The following HDAC9 variants were observed in gnomAD, a reference collection of about 807,000 sequenced individuals.
The protein encoded by HDAC9 is histone deacetylase 9, also known as MEF-2 interacting transcription repressor (MITR) protein.
A neutral mutation model predicts 139.4 loss-of-function variants in HDAC9; 41 were observed. The observed-to-expected ratio is 0.29, with a 90% confidence interval of 0.23 to 0.38. The LOEUF (loss-of-function observed/expected upper bound fraction) is 0.38. Ranked by LOEUF, HDAC9 falls within the 10% of genes least tolerant of loss-of-function variation. The pLI, the probability that HDAC9 is intolerant of heterozygous loss-of-function variation, is 1.00. For missense variants in HDAC9, 1,147 were observed against 1,297.0 expected, an observed-to-expected ratio of 0.88 and a Z score of 1.78; for synonymous variants, 517 against 476.2, an observed-to-expected ratio of 1.09 and a Z score of -1.12.
intron 12 of HDAC9, among the ~76,000 whole-genome samples, chr7:18,699,470 A>G (rs1172487053): frequency 6.6e-6 from 1 of 152,184 alleles, no homozygotes; most frequent in Non-Finnish European, 1.5e-5. Flanking sequence ...GTTTCCAATC[A>G]GAATTCCTTA....
At chr7:18,354,585 T>C (rs1471292827) in intron 1 of HDAC9, among the ~76,000 whole-genome samples, 2 of 152,162 alleles carry the variant, frequency 1.3e-5, no homozygotes, top group Non-Finnish European at 2.9e-5. Context: ...AGATATGCGC[T>C]GTACGTAAGA....
intron 2 of HDAC9, among the ~76,000 whole-genome samples, chr7:18,584,856 G>C (rs1416820078): frequency 1.3e-5 from 2 of 152,172 alleles, no homozygotes; most frequent in African/African-American, 4.8e-5. Context: ...GATTACAAAG[G>C]AAGATGTTCT....
chr7:18,141,090 A>G (rs1029622471), intron 1 of HDAC9, among the ~76,000 whole-genome samples: 12 of 152,160 alleles, frequency 7.9e-5, no homozygotes, highest in African/African-American at 2.4e-4. Flanking sequence ...ACTAGACTTT[A>G]AAATTGAACT....
intron 1 of HDAC9, among the ~76,000 whole-genome samples, chr7:18,478,553 C>A (rs921952792): frequency 8.6e-5 from 13 of 151,880 alleles, no homozygotes; most frequent in African/African-American, 2.7e-4. Flanking sequence ...AATGAGAAAA[C>A]CTTGAAAAGA....
intron 21 of HDAC9, among the ~76,000 whole-genome samples, chr7:18,862,290 A>T (rs923831436): frequency 5.3e-5 from 8 of 152,202 alleles, no homozygotes; most frequent in Non-Finnish European, 1.0e-4. Flanking sequence ...GGGGGAAAAA[A>T]GTGTCCCTTT....
At chr7:18,509,238 G>C in intron 2 of HDAC9, 1 of 982,720 alleles carries the variant, frequency 1.0e-6, no homozygotes, top group Non-Finnish European at 1.2e-6. Context: ...AGCACAATTA[G>C]AATAGAGCAG....
chr7:18,613,980 T>A (rs942902514), intron 6 of HDAC9, among the ~76,000 whole-genome samples: 3 of 152,122 alleles, frequency 2.0e-5, no homozygotes, highest in African/African-American at 7.2e-5. Context: ...GTTCCTGAGG[T>A]TCCTAAAGTT....
intron 22 of HDAC9, among the ~76,000 whole-genome samples, chr7:18,915,886 A>T (rs1392754289): frequency 6.6e-6 from 1 of 151,712 alleles, no homozygotes; most frequent in East Asian, 1.9e-4. Flanking sequence ...CAATTATGGG[A>T]CTGGGCCCTT....
intron 1 of HDAC9, among the ~76,000 whole-genome samples, chr7:18,097,468 T>TG (rs1396206314): frequency 8.7e-6 from 1 of 114,708 alleles, no homozygotes; most frequent in African/African-American, 2.9e-5. Flanking sequence ...CTTTTACCTT[T>TG]TTTTTTTTTT....
At chr7:18,922,256 A>T (rs931865375) in intron 22 of HDAC9, among the ~76,000 whole-genome samples, 5 of 152,128 alleles carry the variant, frequency 3.3e-5, no homozygotes, top group Non-Finnish European at 7.3e-5. Context: ...ATTAATTATT[A>T]TAAATTGCTT....
chr7:18,655,937 C>T (rs1381384353), intron 11 of HDAC9, among the ~76,000 whole-genome samples: 1 of 152,046 alleles, frequency 6.6e-6, no homozygotes, highest in Non-Finnish European at 1.5e-5. Context: ...TGTTTCCCAA[C>T]CTTGACAAGT....
At chr7:18,793,063 A>C (rs1183190046) in intron 16 of HDAC9, 2 of 382,716 alleles carry the variant, frequency 5.2e-6, no homozygotes, top group Non-Finnish European at 9.8e-6. Context: ...AAATCTAAAC[A>C]GGGAATGGCA....
intron 22 of HDAC9, among the ~76,000 whole-genome samples, chr7:18,922,797 A>G (rs1216225467): frequency 6.6e-6 from 1 of 152,100 alleles, no homozygotes; most frequent in African/African-American, 2.4e-5. Flanking sequence ...CAAATTCAGA[A>G]TCAGTGGTGC....
chr7:18,393,384 A>G (rs1361479315), intron 1 of HDAC9, among the ~76,000 whole-genome samples: 1 of 152,152 alleles, frequency 6.6e-6, no homozygotes, highest in African/African-American at 2.4e-5. Flanking sequence ...CCTGGATAGT[A>G]AAGGAGTAGA....
intron 21 of HDAC9, among the ~76,000 whole-genome samples, chr7:18,845,340 G>A (rs1796838416): frequency 6.6e-6 from 1 of 152,164 alleles, no homozygotes; most frequent in South Asian, 2.1e-4. Context: ...TACTTTAGAA[G>A]AGAAAGAAAT....
chr7:18,416,932 T>C (rs1325572596), intron 1 of HDAC9, among the ~76,000 whole-genome samples: 1 of 152,196 alleles, frequency 6.6e-6, no homozygotes, highest in Non-Finnish European at 1.5e-5. Context: ...GATTATGGTG[T>C]ATTTTGGTCA....
At chr7:18,840,481 G>C (rs552551295) in intron 21 of HDAC9, among the ~76,000 whole-genome samples, 26 of 152,144 alleles carry the variant, frequency 1.7e-4, no homozygotes, top group African/African-American at 6.3e-4. Flanking sequence ...AGTAGAGGTA[G>C]TGCACATTTA....
chr7:18,405,177 A>G (rs1423662020), intron 1 of HDAC9, among the ~76,000 whole-genome samples: 1 of 152,204 alleles, frequency 6.6e-6, no homozygotes, highest in Non-Finnish European at 1.5e-5. Flanking sequence ...ACAAAATAAC[A>G]TTATTTGAGG....
chr7:18,521,266 A>G (rs1738994186), intron 2 of HDAC9, among the ~76,000 whole-genome samples: 1 of 152,196 alleles, frequency 6.6e-6, no homozygotes, highest in African/African-American at 2.4e-5. Context: ...GACAAATTTA[A>G]TGTAATTTCC....
Sources: allele counts gnomAD v4.1 joint callset (sites outside exome capture counted in the v4.1 genomes callset), GRCh38; gene constraint gnomAD v4.1.1; transcripts MANE v1.5; gene names NCBI Gene and HGNC (gene_info 2026-07-23, HGNC 2026-07-21).